Variants in HEY1 observed in about 807,000 individuals in gnomAD.
HEY1 encodes hairy/enhancer-of-split related with YRPW motif protein 1.
Under a neutral mutation model 28.7 loss-of-function variants are expected in HEY1, and 9 were observed. That is an observed-to-expected ratio of 0.31 (90% CI 0.19 to 0.55). The LOEUF is 0.55. Ranked by LOEUF, HEY1 falls within the 20% of genes least tolerant of loss-of-function variation. The probability of loss-of-function intolerance (pLI) is 0.93; values close to 1 mark genes in which losing one functional copy is unlikely to be tolerated. For synonymous variants in HEY1, 213 were observed against 175.6 expected, an observed-to-expected ratio of 1.21 and a Z score of -1.68; for missense variants, 385 against 399.4, an observed-to-expected ratio of 0.96 and a Z score of 0.31.
chr8:79,766,186 G>A (rs900439504), intron 4 of HEY1: 14 of 1,521,038 alleles, frequency 9.2e-6, no homozygotes, highest in Non-Finnish European at 1.2e-5. Flanking sequence ...TCCTGCTGGA[G>A]AGACATACAC....
rs138047890 is a variant in HEY1, at chr8:79,765,387, G to A, written c.716C>T (p.Pro239Leu). 30 of 1,600,656 alleles carry A rather than the reference G, an allele frequency of 1.9e-5. No homozygotes were observed. The African/African-American group carries it at 3.5e-4, about 19-fold the overall frequency. The change falls in exon 5 of 5, where the codon CCG becomes CTG. Residue 239 changes from proline (P) to leucine (L), a missense_variant. By Grantham distance (98) the Pro-to-Leu change is moderately conservative. Around this residue, in one of 3 missense-constraint regions of HEY1, gnomAD observed 223 missense variants for 215.9 expected, o/e 1.03. Transcript: ENST00000354724. ...LRAPPSGSLG[P>L]VLPVVTSASK... is the part of the protein sequence containing the mutation. ...GGCGGAGGTGACCACAGGGAGCACC[G>A]GTCCGAGGCTGCCGCTAGGGGGCGC...
rs1049448791 is a variant in HEY1 at position 79,764,996 on chromosome 8, T to A, written c.*192A>T. On this transcript the variant is annotated 3_prime_UTR_variant, in exon 5 of 5. Transcript: ENST00000354724. ...ACAACTAGTTTTTAAAAACTGCTAA[T>A]ACATGACATGATGAAAAAAACATTA... 1.8e-5 allele frequency: 9 copies of A among 509,074 alleles called. No homozygotes were observed. Among genetic ancestry groups the A allele is most frequent in the African/African-American group, 1.8e-4 (9 of 51,240 alleles). The allele number at this position is 509,074 out of a possible 1,614,324, so 31.5% of individuals were successfully genotyped here. A position where few individuals can be genotyped will look rare whatever the true frequency, so the allele number is the denominator to read the frequency against.
At position 79,765,640 on chromosome 8, in the gene HEY1, CCAGTCGAACTCGAAGCGGGTCAGAGG is replaced by C; in HGVS notation, c.437_462del (p.Ala146GlyfsTer80). 6.2e-7 allele frequency: 1 copy of C among 1,614,242 alleles called. No homozygotes were observed. Among genetic ancestry groups the C allele is most frequent in the Non-Finnish European group, 8.5e-7 (1 of 1,180,050 alleles). On this transcript the variant is annotated frameshift_variant, in exon 5 of 5. Transcript: ENST00000354724. LOFTEE classifies it high-confidence loss of function. ...GAAGCGTAGTTGTTGAGATGCGAAA[CCAGTCGAACTCGAAGCGGGTCAGAGG>C]CATCTAGTCCTTCAATGATGCTCAG...
Position 79,766,552 on chromosome 8 carries a change from C to A in HEY1, c.331+99G>T. 6 of 1,568,528 alleles carry A rather than the reference C, an allele frequency of 3.8e-6. No homozygotes were observed. The South Asian group carries it at 5.9e-5, about 15-fold the overall frequency. ...CCACACACCGTTCTCTCCCCACCCC[C>A]AAAGAAAAATCAGGCAGCTACTGCA... is the stretch of plus-strand genomic sequence containing the variant. On this transcript the variant is annotated intron_variant, in intron 4 of 4. Coordinates refer to ENST00000354724, the MANE Select transcript of HEY1 (RefSeq NM_012258.4).
chr8:79,767,117 G>T (rs899966250), intron 2 of HEY1, 25 bp from the exon 3 acceptor site: 1 of 1,600,794 alleles, frequency 6.2e-7, no homozygotes, highest in Admixed American at 1.7e-5. Flanking sequence ...CAAAACAAAG[G>T]AAGGCATTAC....
chr8:79,764,390 G>A lies in HEY1; in HGVS notation c.*798C>T. The A allele has an allele frequency of 4.4e-6, 1 of 226,538 alleles. No homozygotes were observed. The highest frequency in any genetic ancestry group is 8.8e-6 in the Non-Finnish European group (1 of 113,928). 14.0% of individuals were successfully genotyped at this position (226,538 alleles called of 1,614,324 possible). A position where few individuals can be genotyped will look rare whatever the true frequency, so the allele number is the denominator to read the frequency against. On this transcript the variant is annotated 3_prime_UTR_variant, in exon 5 of 5. Transcript: ENST00000354724. The stretch of plus-strand genomic sequence containing the variant: ...AGATCCGTGTGATTAAAAATTCTTT[G>A]TGTTGCTGGGGCTGGTAAATGCAGG...
rs1207521133 is a variant in HEY1 at position 79,764,585 on chromosome 8, A to C, written c.*603T>G. 1 of 225,486 alleles carries C rather than the reference A, an allele frequency of 4.4e-6. No individual in the cohort carries two copies. Among genetic ancestry groups the C allele is most frequent in the East Asian group, 6.4e-5 (1 of 15,608 alleles). The allele number at this position is 225,486 out of a possible 1,614,324, so 14.0% of individuals were successfully genotyped here. Reference sequence around the variant, plus strand: ...CAGTTTGTACATTCACCTTTCTGCTATAGGAGGCAGACAATTTACTAGTCT... The same window carrying C: ...CAGTTTGTACATTCACCTTTCTGCTCTAGGAGGCAGACAATTTACTAGTCT... On this transcript the variant is annotated 3_prime_UTR_variant, in exon 5 of 5. Transcript: ENST00000354724.
intron 3 of HEY1, 44 bp from the exon 4 acceptor site, chr8:79,766,776 T>G (rs1279438217): frequency 6.3e-7 from 1 of 1,584,724 alleles, no homozygotes; most frequent in Non-Finnish European, 8.7e-7. Flanking sequence ...ACAAGTTCCT[T>G]TGGGGAACAA....
In HEY1 at chr8:79,766,687, C is replaced by A. The variant is rs1281956456; in HGVS notation, c.295G>T (p.Asp99Tyr). ...EKAEILQMTVDHLKMLHTAGG... is the reference protein window; with the variant it reads ...EKAEILQMTVYHLKMLHTAGG... Reference sequence around the variant, plus strand: ...GCCGTATGCAGCATTTTCAGGTGATCCACGGTCATCTGCAGGATCTCGGCT... The same window carrying A: ...GCCGTATGCAGCATTTTCAGGTGATACACGGTCATCTGCAGGATCTCGGCT... Residue 99 changes from aspartate to tyrosine, a missense_variant, in exon 4 of 5, where the codon GAT becomes TAT. Physicochemically the swap from Asp to Tyr is radical, Grantham distance 160. Coordinates refer to ENST00000354724, the MANE Select transcript of HEY1 (RefSeq NM_012258.4). 6.2e-7 allele frequency: 1 copy of A among 1,614,218 alleles called. No individual in the cohort carries two copies. The highest frequency in any genetic ancestry group is 8.5e-7 in the Non-Finnish European group (1 of 1,180,050).
In HEY1 at chr8:79,765,407, G is replaced by A. The variant is rs1448780495; in HGVS notation, c.696C>T (p.Pro232=). 1.9e-6 allele frequency: 3 copies of A among 1,609,066 alleles called. No homozygotes were observed. Among genetic ancestry groups the A allele is most frequent in the Non-Finnish European group, 2.5e-6 (3 of 1,177,898 alleles). Residue 232 remains proline (P), a synonymous_variant, in exon 5 of 5, where the codon CCC becomes CCT. Coordinates refer to ENST00000354724, the MANE Select transcript of HEY1 (RefSeq NM_012258.4). ...AHPEAPALRA[P]PSGSLGPVLP... is the part of the protein sequence containing the mutation. Reference sequence around the variant, plus strand: ...GCACCGGTCCGAGGCTGCCGCTAGGGGGCGCTCGCAAAGCAGGCGCCTCCG... The same window carrying A: ...GCACCGGTCCGAGGCTGCCGCTAGGAGGCGCTCGCAAAGCAGGCGCCTCCG...
In HEY1 at chr8:79,764,512, A is replaced by G. The variant is rs1260577425; in HGVS notation, c.*676T>C. ...CTCTCCTAACTAAATCAGAACTGCCAGTCCTGGCAGATACCAGCAGCTGGT... is the reference window on the plus strand; with the variant it reads ...CTCTCCTAACTAAATCAGAACTGCCGGTCCTGGCAGATACCAGCAGCTGGT... On this transcript the variant is annotated 3_prime_UTR_variant, in exon 5 of 5. Coordinates refer to ENST00000354724, the MANE Select transcript of HEY1 (RefSeq NM_012258.4). The G allele has an allele frequency of 4.4e-5, 10 of 227,558 alleles. No individual in the cohort carries two copies. In the East Asian group the frequency reaches 6.3e-4, roughly 14 times the overall value. The allele number at this position is 227,558 out of a possible 1,614,324, so 14.1% of individuals were successfully genotyped here.
intron 3 of HEY1, 22 bp downstream of exon 3, chr8:79,766,987 C>A: frequency 6.3e-7 from 1 of 1,597,250 alleles, no homozygotes; most frequent in Non-Finnish European, 8.6e-7. Context: ...ATGCTGAGAG[C>A]TTTACCTACT....
Position 79,766,640 on chromosome 8 carries a change from A to G in HEY1, c.331+11T>C. 2 of 1,614,132 alleles carry G rather than the reference A, an allele frequency of 1.2e-6. No individual in the cohort carries two copies. The highest frequency in any genetic ancestry group is 1.7e-6 in the Non-Finnish European group (2 of 1,180,022). On this transcript the variant is annotated intron_variant, in intron 4 of 4. Coordinates refer to ENST00000354724, the MANE Select transcript of HEY1 (RefSeq NM_012258.4). ...ACCATTCAGAGCCCCCACTAGGTCT[A>G]GGAGATGTACCTTTCCCTCCTGCCG...
rs1465301531 is a variant in HEY1, at chr8:79,767,751, T to C, written c.-88A>G. The C allele has an allele frequency of 1.1e-6, 1 of 931,536 alleles. No individual in the cohort carries two copies. Among genetic ancestry groups the C allele is most frequent in the African/African-American group, 1.6e-5 (1 of 61,406 alleles). 57.7% of individuals were successfully genotyped at this position (931,536 alleles called of 1,614,324 possible). On this transcript the variant is annotated 5_prime_UTR_variant, in exon 1 of 5. Transcript: ENST00000354724. ...CGGCGCCTCTCCGCTCTCGGCTGCT[T>C]GCGTTCCGCACACACTGATCCCGCT... is the stretch of plus-strand genomic sequence containing the variant.
chr8:79,767,181 C>T, intron 2 of HEY1, 38 bp downstream of exon 2: 1 of 1,584,862 alleles, frequency 6.3e-7, no homozygotes, highest in Non-Finnish European at 8.6e-7. Flanking sequence ...TTCCGTTAAT[C>T]AATAACAAAA....
In HEY1 at chr8:79,765,053, G is replaced by T; in HGVS notation, c.*135C>A. The T allele has an allele frequency of 5.1e-6, 3 of 593,430 alleles. No homozygotes were observed. Among genetic ancestry groups the T allele is most frequent in the Non-Finnish European group, 5.7e-6 (2 of 353,006 alleles). The allele number at this position is 593,430 out of a possible 1,614,324, so 36.8% of individuals were successfully genotyped here. On this transcript the variant is annotated 3_prime_UTR_variant, in exon 5 of 5. Transcript: ENST00000354724. ...ATAAAAGTAAACCAACAAACCTTTAGTCTTTAAAAAAAAAATTATCTGAAA... is the reference window on the plus strand; with the variant it reads ...ATAAAAGTAAACCAACAAACCTTTATTCTTTAAAAAAAAAATTATCTGAAA...
chr8:79,767,694 C>G lies in HEY1; in HGVS notation c.-31G>C. 6.5e-7 allele frequency: 1 copy of G among 1,538,162 alleles called. No individual in the cohort carries two copies. The highest frequency in any genetic ancestry group is 8.8e-7 in the Non-Finnish European group (1 of 1,134,680). On this transcript the variant is annotated 5_prime_UTR_variant, in exon 1 of 5. Coordinates refer to ENST00000354724, the MANE Select transcript of HEY1 (RefSeq NM_012258.4). ...CTCCCTGGGGGTTCCTGGGGAGGGT[C>G]GGCGCGGCGGGCAGGGAGGAGTTAA...
In HEY1 at chr8:79,765,662, A is replaced by T; in HGVS notation, c.441T>A (p.Ser147=). The change falls in exon 5 of 5, where the codon TCT becomes TCA. Residue 147 remains serine, a synonymous_variant. Transcript: ENST00000354724. ...AAACCAGTCGAACTCGAAGCGGGTC[A>T]GAGGCATCTAGTCCTTCAATGATGC... The part of the protein sequence containing the change: ...YLSIIEGLDA[S]DPLRVRLVSH... The T allele has an allele frequency of 6.2e-7, 1 of 1,614,290 alleles. No homozygotes were observed. Among genetic ancestry groups the T allele is most frequent in the Non-Finnish European group, 8.5e-7 (1 of 1,180,050 alleles).
At chr8:79,766,841 T>C in intron 3 of HEY1, 109 bp from the exon 4 acceptor site, 1 of 1,334,444 alleles carries the variant, frequency 7.5e-7, no homozygotes, top group Non-Finnish European at 1.1e-6. Context: ...TCGTAAAGCA[T>C]GGACTAAAGC....
Sources: allele counts gnomAD v4.1 joint callset, GRCh38; gene constraint gnomAD v4.1.1; regional missense constraint gnomAD v4.1.1; transcripts MANE v1.5; gene names NCBI Gene and HGNC (gene_info 2026-07-23, HGNC 2026-07-21).